Variants in LMO1 observed in about 807,000 individuals in gnomAD.
The protein encoded by LMO1 is LIM domain only 1.
Under a neutral mutation model 18.0 loss-of-function variants are expected in LMO1, and 10 were observed. That is an observed-to-expected ratio of 0.55 (90% CI 0.34 to 0.94). The LOEUF (loss-of-function observed/expected upper bound fraction) is 0.94, where lower values mean the gene tolerates loss of function less well. Ranked by LOEUF, LMO1 falls within the 40% of genes least tolerant of loss-of-function variation. The probability of loss-of-function intolerance (pLI) is 0.02; values close to 1 mark genes in which losing one functional copy is unlikely to be tolerated. For missense variants in LMO1, 183 were observed against 205.7 expected (o/e 0.89, Z 0.68); for synonymous variants, 77 against 77.9 (o/e 0.99, Z 0.06).
intron 1 of LMO1, among the ~76,000 whole-genome samples, chr11:8,247,469 A>G (rs1014349904): frequency 7.9e-5 from 12 of 152,246 alleles, no homozygotes; most frequent in African/African-American, 2.4e-4. Flanking sequence ...ACCCAAAAAG[A>G]TGAAGCATCC....
upstream of LMO1, chr11:8,268,436 G>C (rs1847283409): frequency 4.1e-6 from 6 of 1,467,726 alleles, no homozygotes; most frequent in Non-Finnish European, 5.4e-6. Context: ...CCGTCCTCCT[G>C]GTCCAACACC....
At chr11:8,233,461 A>T (rs939303121) in intron 1 of LMO1, among the ~76,000 whole-genome samples, 1 of 152,150 alleles carries the variant, frequency 6.6e-6, no homozygotes, top group African/African-American at 2.4e-5. Context: ...TGCTTCTCAC[A>T]GGAGAGTGGA....
At chr11:8,255,014 T>C (rs1847065677) in intron 1 of LMO1, among the ~76,000 whole-genome samples, 2 of 152,182 alleles carry the variant, frequency 1.3e-5, no homozygotes, top group African/African-American at 4.8e-5. Flanking sequence ...GTGGACTGAT[T>C]ACAAAAATGG....
At chr11:8,225,107 G>A (rs1165778253) in intron 3 of LMO1, among the ~76,000 whole-genome samples, 1 of 152,052 alleles carries the variant, frequency 6.6e-6, no homozygotes, top group Non-Finnish European at 1.5e-5. Context: ...CAAGTGGGGA[G>A]ACAGATGGAG....
chr11:8,249,036 C>A (rs969738322), intron 1 of LMO1, among the ~76,000 whole-genome samples: 2 of 152,232 alleles, frequency 1.3e-5, no homozygotes, highest in African/African-American at 4.8e-5. Context: ...TCTGGTCTAC[C>A]TTCCCTGGAG....
intron 3 of LMO1, among the ~76,000 whole-genome samples, chr11:8,225,992 G>A (rs1048123146): frequency 6.6e-6 from 1 of 152,246 alleles, no homozygotes; most frequent in African/African-American, 2.4e-5. Flanking sequence ...CTAGGGCACA[G>A]AGTTGGGGCC....
intron 1 of LMO1, among the ~76,000 whole-genome samples, chr11:8,253,501 T>G (rs934138406): frequency 6.6e-6 from 1 of 152,222 alleles, no homozygotes; most frequent in Non-Finnish European, 1.5e-5. Context: ...TGAACCCGTG[T>G]GACTCAAAGC....
At chr11:8,248,751 CAGATCAGAGG>C (rs1180133303) in intron 1 of LMO1, among the ~76,000 whole-genome samples, 5 of 152,336 alleles carry the variant, frequency 3.3e-5, no homozygotes, top group African/African-American at 1.2e-4. Context: ...ACTTTACAGA[CAGATCAGAGG>C]AGGTCAGAGG....
chr11:8,260,872 C>T (rs1321432913), intron 1 of LMO1, among the ~76,000 whole-genome samples: 1 of 152,124 alleles, frequency 6.6e-6, no homozygotes, highest in African/African-American at 2.4e-5. Flanking sequence ...GGAACGCACC[C>T]TTTGGGGGAG....
chr11:8,263,052 C>T (rs1847214560), intron 1 of LMO1, among the ~76,000 whole-genome samples: 1 of 151,946 alleles, frequency 6.6e-6, no homozygotes, highest in African/African-American at 2.4e-5. Context: ...GGCCCCGCGG[C>T]GCAGCACACG....
intron 3 of LMO1, among the ~76,000 whole-genome samples, chr11:8,224,998 G>A (rs1952507758): frequency 6.6e-6 from 1 of 152,106 alleles, no homozygotes; most frequent in African/African-American, 2.4e-5. Context: ...GGTCTCCTGT[G>A]TTGGTGAGTG....
chr11:8,226,391 T>C (rs931174485), intron 3 of LMO1, among the ~76,000 whole-genome samples: 3 of 152,112 alleles, frequency 2.0e-5, no homozygotes, highest in Non-Finnish European at 4.4e-5. Context: ...CACACGCCTG[T>C]AGTCCCAGCT....
intron 1 of LMO1, among the ~76,000 whole-genome samples, chr11:8,257,111 TC>T (rs1461577085): frequency 1.3e-5 from 2 of 152,204 alleles, no homozygotes; most frequent in African/African-American, 4.8e-5. Context: ...GTGGCTGACT[TC>T]AAGCTACCAA....
At chr11:8,242,924 CT>C (rs950943643) in intron 1 of LMO1, among the ~76,000 whole-genome samples, 2 of 152,222 alleles carry the variant, frequency 1.3e-5, no homozygotes, top group South Asian at 2.1e-4. Context: ...TGAATTCAAA[CT>C]TTTAAATGTG....
chr11:8,252,523 G>A (rs369707876), intron 1 of LMO1, among the ~76,000 whole-genome samples: 5 of 152,242 alleles, frequency 3.3e-5, no homozygotes, highest in African/African-American at 1.2e-4. Flanking sequence ...TGCTCCCAAG[G>A]AAGGAAACAC....
At chr11:8,268,745 G>T (rs1378938061), upstream of LMO1, 2 of 210,282 alleles carry the variant, frequency 9.5e-6, no homozygotes, top group Non-Finnish European at 1.9e-5. Flanking sequence ...TGAGCCGCGC[G>T]CGCGTCCTTC....
intron 1 of LMO1, among the ~76,000 whole-genome samples, chr11:8,262,262 C>G (rs949106250): frequency 6.6e-6 from 1 of 152,246 alleles, no homozygotes; most frequent in African/African-American, 2.4e-5. Flanking sequence ...CGGTACCTCA[C>G]CAATGGCAGA....
chr11:8,240,621 C>T (rs1310041233), intron 1 of LMO1, among the ~76,000 whole-genome samples: 1 of 151,992 alleles, frequency 6.6e-6, no homozygotes, highest in Non-Finnish European at 1.5e-5. Context: ...TGGCCATCTT[C>T]TTGCTGCATC....
At position 8,231,417 on chromosome 11, in the gene LMO1, C is replaced by T. The variant is rs139560215; in HGVS notation, c.26-913G>A. Among the ~76,000 whole-genome samples, 412 of 152,348 alleles carry T rather than the reference C, an allele frequency of 2.7e-3. 1 individual carries two copies. Among genetic ancestry groups the T allele is most frequent in the Non-Finnish European group, 5.1e-3 (350 of 68,028 alleles). On this transcript the variant is annotated intron_variant, in intron 1 of 3. Transcript: ENST00000335790. ...GTGTGGGCATGAAGTGACAGAGGCA[C>T]GGGTTCCTAGTCCCTTCTCCTGGAA... is the stretch of plus-strand genomic sequence containing the variant.
Sources: gnomAD v4.1 joint callset for allele counts (sites outside exome capture counted in the v4.1 genomes callset) on GRCh38, gnomAD v4.1.1 for gene constraint, MANE v1.5 for transcripts, NCBI Gene and HGNC (gene_info 2026-07-23, HGNC 2026-07-21) for gene names.